Variants in SKAP2 observed in about 807,000 individuals in gnomAD.
The protein encoded by SKAP2 is src kinase associated phosphoprotein 2.
SKAP2 carries 28 observed loss-of-function variants against 54.9 expected under a neutral mutation model. The observed-to-expected ratio is 0.51, with a 90% CI of 0.38 to 0.70. The LOEUF is 0.70. SKAP2 is among the 30% of genes least tolerant of loss of function. SKAP2 has a pLI of 0.00. For missense variants in SKAP2, 356 were observed against 424.1 expected (o/e 0.84, Z 1.41); for synonymous variants, 137 against 134.3 (o/e 1.02, Z -0.14).
At chr7:26,658,145 C>T in the SKAP2 span, among the ~76,000 whole-genome samples, 1 of 152,154 alleles carries the variant, frequency 6.6e-6, no homozygotes, top group East Asian at 1.9e-4. Context: ...TTAGGAAAGA[C>T]GCAAACATAG....
At chr7:26,771,322 A>G (rs532982670) in intron 4 of SKAP2, among the ~76,000 whole-genome samples, 1 of 152,342 alleles carries the variant, frequency 6.6e-6, no homozygotes, top group Admixed American at 6.5e-5. Context: ...TGACAACAAA[A>G]ACAAATTTGA....
At chr7:26,726,057 T>C in intron 7 of SKAP2, 71 bp from the exon 8 acceptor site, 1 of 980,594 alleles carries the variant, frequency 1.0e-6, no homozygotes, top group East Asian at 2.4e-5. Context: ...ATTCTTACCA[T>C]TTCTTTAAGA....
intron 4 of SKAP2, among the ~76,000 whole-genome samples, chr7:26,794,653 T>G (rs1023106478): frequency 4.6e-5 from 7 of 152,134 alleles, no homozygotes; most frequent in African/African-American, 1.4e-4. Flanking sequence ...TGTAGGAAGG[T>G]GGATATCTTG....
At chr7:26,790,169 C>T (rs1395129494) in intron 4 of SKAP2, among the ~76,000 whole-genome samples, 1 of 152,158 alleles carries the variant, frequency 6.6e-6, no homozygotes, top group South Asian at 2.1e-4. Flanking sequence ...TCTTAGCCCC[C>T]TAATTACTTA....
intron 9 of SKAP2, among the ~76,000 whole-genome samples, chr7:26,721,583 T>C (rs1030605176): frequency 4.6e-5 from 7 of 152,174 alleles, no homozygotes; most frequent in Admixed American, 1.3e-4. Context: ...GTTAATGGAA[T>C]AGAAATTTGT....
chr7:26,857,256 T>A (rs2127999154), intron 1 of SKAP2, among the ~76,000 whole-genome samples: 1 of 143,120 alleles, frequency 7.0e-6, no homozygotes, highest in Non-Finnish European at 1.5e-5. Context: ...AAACAGTGAC[T>A]TTTTCGTGAT....
chr7:26,857,331 A>C (rs931484473), intron 1 of SKAP2: 8 of 271,716 alleles, frequency 2.9e-5, no homozygotes, highest in South Asian at 2.7e-4. Flanking sequence ...AAAAAAAAAA[A>C]AAAACTTTAA....
intron 11 of SKAP2, among the ~76,000 whole-genome samples, chr7:26,677,248 C>T (rs1051467209): frequency 1.6e-4 from 24 of 151,772 alleles, no homozygotes; most frequent in South Asian, 8.3e-4. Flanking sequence ...AAAAATTAGC[C>T]GGGCATGGTG....
At position 26,854,814 on chromosome 7, in the gene SKAP2, A is replaced by G. The variant is rs746860857; in HGVS notation, c.144T>C (p.Leu48=). ...SKKAKEKRES[L]IKKIKDVKSI... is the part of the protein sequence containing the mutation. ...ACTTTACATCTTTTATCTTCTTAAT[A>G]AGGGATTCTCTCTTTTCCTTTGCTT... Residue 48 remains leucine (L), a synonymous_variant, in exon 2 of 13, where the codon CTT becomes CTC. Transcript: ENST00000345317. 2 of 1,601,920 alleles carry G rather than the reference A, an allele frequency of 1.2e-6. No individual in the cohort carries two copies. Among genetic ancestry groups the G allele is most frequent in the African/African-American group, 1.3e-5 (1 of 74,824 alleles).
At chr7:26,686,086 A>G (rs184971284) in intron 10 of SKAP2, among the ~76,000 whole-genome samples, 17 of 152,214 alleles carry the variant, frequency 1.1e-4, no homozygotes, top group Admixed American at 7.9e-4. Flanking sequence ...CTTATTACAC[A>G]TTTTTTGTGA....
intron 9 of SKAP2, among the ~76,000 whole-genome samples, chr7:26,724,646 C>A (rs188214218): frequency 6.6e-6 from 1 of 152,088 alleles, no homozygotes; most frequent in African/African-American, 2.4e-5. Flanking sequence ...ATACCTTTTT[C>A]TTCTCTAACT....
chr7:26,852,813 G>C (rs963845041), intron 3 of SKAP2, among the ~76,000 whole-genome samples: 5 of 152,076 alleles, frequency 3.3e-5, no homozygotes, highest in Admixed American at 6.5e-5. Flanking sequence ...AAAGCACAAT[G>C]CAAGTTCGAT....
At chr7:26,849,741 AT>A (rs1424369782) in intron 3 of SKAP2, among the ~76,000 whole-genome samples, 4 of 152,108 alleles carry the variant, frequency 2.6e-5, no homozygotes, top group Admixed American at 2.6e-4. Flanking sequence ...TGAAAAAAAA[AT>A]CTCATGAAAC....
chr7:26,778,227 G>C (rs761249654), intron 4 of SKAP2, among the ~76,000 whole-genome samples: 1 of 152,068 alleles, frequency 6.6e-6, no homozygotes, highest in Non-Finnish European at 1.5e-5. Flanking sequence ...AAAATTCACA[G>C]TACTTAAAAG....
chr7:26,737,012 G>A (rs1233046564), intron 6 of SKAP2, among the ~76,000 whole-genome samples: 1 of 152,128 alleles, frequency 6.6e-6, no homozygotes, highest in Non-Finnish European at 1.5e-5. Flanking sequence ...GGGTTTTGGG[G>A]AAACTCTTGC....
intron 4 of SKAP2, among the ~76,000 whole-genome samples, chr7:26,744,396 T>C (rs1389569046): frequency 6.6e-6 from 1 of 152,048 alleles, no homozygotes; most frequent in Non-Finnish European, 1.5e-5. Flanking sequence ...GGGTAGACAA[T>C]TGCATTACTG....
intron 4 of SKAP2, 58 bp downstream of exon 4, chr7:26,843,972 C>CAT: frequency 1.9e-6 from 2 of 1,066,354 alleles, no homozygotes; most frequent in Non-Finnish European, 2.9e-6. Flanking sequence ...AACTACCACC[C>CAT]ATATATATAG....
rs1784585145 is a variant in SKAP2, at chr7:26,831,087, A to T, written c.307+12943T>A. 3.3e-5 allele frequency among the ~76,000 whole-genome samples: 5 copies of T among 152,170 alleles called. 1 individual carries two copies. Among genetic ancestry groups the T allele is most frequent in the Admixed American group, 3.3e-4 (5 of 15,270 alleles). On this transcript the variant is annotated intron_variant, in intron 4 of 12. Transcript: ENST00000345317. ...ACTTATTTTCATATATAGCTTCATA[A>T]GTGATCTTCTAATGCAGTCCAAACT... is the stretch of plus-strand genomic sequence containing the variant.
downstream of SKAP2, among the ~76,000 whole-genome samples, chr7:26,664,484 C>T (rs757661865): frequency 3.3e-5 from 5 of 152,020 alleles, no homozygotes; most frequent in Admixed American, 6.6e-5. Flanking sequence ...TTCTCCTCCA[C>T]GAAAGCAGCT....
Sources: allele counts gnomAD v4.1 joint callset (sites outside exome capture counted in the v4.1 genomes callset), GRCh38; gene constraint gnomAD v4.1.1; transcripts MANE v1.5; gene names NCBI Gene and HGNC (gene_info 2026-07-23, HGNC 2026-07-21).